The following COA1 variants were observed in gnomAD, a reference collection of about 807,000 sequenced individuals.
COA1 encodes the protein cytochrome c oxidase assembly factor 1 homolog.
In COA1, 13 loss-of-function variants were observed where a neutral mutation model predicts 16.0. The observed-to-expected ratio is 0.81, with a 90% CI of 0.53 to 1.29. The LOEUF is 1.29. Ranked by LOEUF, COA1 falls within the 50% of genes most tolerant of loss-of-function variation. The pLI is 0.00. For synonymous variants in COA1, 65 were observed against 65.7 expected (o/e 0.99, Z 0.05); for missense variants, 179 against 177.0 (o/e 1.01, Z -0.06).
Position 43,640,658 on chromosome 7 carries a change from G to A in COA1, c.265-9C>T, listed in dbSNP as rs111930870. Reference sequence around the variant, plus strand: ...GAGACAGGAATCTTCAACTGTGGGTGTAAAATGACAGAAAGGAGAGATGTA... The same window carrying A: ...GAGACAGGAATCTTCAACTGTGGGTATAAAATGACAGAAAGGAGAGATGTA... On this transcript the variant is annotated splice_polypyrimidine_tract_variant and intron_variant, in intron 4 of 5. Coordinates refer to ENST00000223336, the MANE Select transcript of COA1 (RefSeq NM_018224.4). The A allele has an allele frequency of 3.2e-6, 5 of 1,575,974 alleles. No homozygotes were observed. The highest frequency in any genetic ancestry group is 3.7e-5 in the Admixed American group (2 of 53,592).
chr7:43,652,945 G>C (rs1021360615), intron 1 of COA1, among the ~76,000 whole-genome samples: 1 of 152,044 alleles, frequency 6.6e-6, no homozygotes, highest in Non-Finnish European at 1.5e-5. Context: ...GATGAAAAAA[G>C]TAAGGCAATA....
intron 1 of COA1, among the ~76,000 whole-genome samples, chr7:43,724,543 T>A (rs529653759): frequency 2.1e-4 from 31 of 147,236 alleles, no homozygotes; most frequent in African/African-American, 7.2e-4. Flanking sequence ...AGAGCAAGAC[T>A]CCATCTCAAA....
chr7:43,660,230 A>G (rs145239845), intron 1 of COA1, among the ~76,000 whole-genome samples: 136 of 152,216 alleles, frequency 8.9e-4, no homozygotes, highest in African/African-American at 3.1e-3. Flanking sequence ...GTCTACTAAA[A>G]TAATCCCCAC....
intron 1 of COA1, among the ~76,000 whole-genome samples, chr7:43,710,375 A>ATATATATAT (rs1554558919): frequency 2.7e-5 from 1 of 36,450 alleles, no homozygotes; most frequent in Admixed American, 4.7e-4. Context: ...AAAAAAAAAA[A>ATATATATAT]ATATATATAT....
intron 6 of COA1, among the ~76,000 whole-genome samples, chr7:43,615,737 C>T (rs1409543985): frequency 6.6e-6 from 1 of 152,164 alleles, no homozygotes; most frequent in African/African-American, 2.4e-5. Flanking sequence ...GTCGTCCAGC[C>T]ACACAGGATT....
intron 4 of COA1, among the ~76,000 whole-genome samples, chr7:43,643,319 C>CA (rs1292569224): frequency 5.3e-5 from 8 of 152,214 alleles, no homozygotes; most frequent in African/African-American, 1.7e-4. Context: ...CACAATTCCT[C>CA]AGTGCTACAG....
chr7:43,699,952 T>C (rs983400512), intron 1 of COA1, among the ~76,000 whole-genome samples: 6 of 152,104 alleles, frequency 3.9e-5, no homozygotes, highest in African/African-American at 1.4e-4. Flanking sequence ...AGTATACATA[T>C]ATCTTTATCA....
chr7:43,700,300 A>G (rs188593627), intron 1 of COA1, among the ~76,000 whole-genome samples: 6 of 152,296 alleles, frequency 3.9e-5, no homozygotes, highest in African/African-American at 9.6e-5. Flanking sequence ...GATAGCTAAC[A>G]TGGGTATCCA....
At chr7:43,614,790 C>G (rs2083197901) in intron 6 of COA1, among the ~76,000 whole-genome samples, 1 of 152,184 alleles carries the variant, frequency 6.6e-6, no homozygotes, top group African/African-American at 2.4e-5. Context: ...CTAGACTTCT[C>G]ATACAATAAG....
intron 1 of COA1, among the ~76,000 whole-genome samples, chr7:43,692,367 A>C (rs1482645672): frequency 6.6e-6 from 1 of 152,058 alleles, no homozygotes; most frequent in Non-Finnish European, 1.5e-5. Flanking sequence ...AAAAATACAA[A>C]TCTTAGCCGG....
intron 1 of COA1, among the ~76,000 whole-genome samples, chr7:43,664,851 G>C (rs1448460400): frequency 6.6e-6 from 1 of 152,184 alleles, no homozygotes; most frequent in East Asian, 1.9e-4. Context: ...AAGCAGAACA[G>C]AGCTCCTGTC....
intron 6 of COA1, among the ~76,000 whole-genome samples, chr7:43,615,206 T>C (rs1198132505): frequency 6.6e-6 from 1 of 152,158 alleles, no homozygotes; most frequent in Admixed American, 6.6e-5. Context: ...GATAGGGTCG[T>C]ATTCTGTTAC....
intron 1 of COA1, among the ~76,000 whole-genome samples, chr7:43,693,059 A>G (rs2094426088): frequency 1.3e-5 from 2 of 152,154 alleles, no homozygotes; most frequent in South Asian, 4.1e-4. Context: ...TGCAATTTTA[A>G]TGTACAACCA....
chr7:43,647,562 AG>A lies in COA1; in HGVS notation c.87del (p.Phe30LeufsTer60). 1 of 1,614,050 alleles carries A rather than the reference AG, an allele frequency of 6.2e-7. No homozygotes were observed. The highest frequency in any genetic ancestry group is 8.5e-7 in the Non-Finnish European group (1 of 1,179,864). On this transcript the variant is annotated frameshift_variant, in exon 3 of 6. Transcript: ENST00000223336. LOFTEE classifies it high-confidence loss of function. Reference sequence around the variant, plus strand: ...TGAATGAGGTAATACACAATGGCAAAGCCCCCGGCATAGAACACACCGTGGA... The same window carrying A: ...TGAATGAGGTAATACACAATGGCAAACCCCCGGCATAGAACACACCGTGGA... ...ILFHGVFYAG[G>X]FAIVYYLIQK...
chr7:43,725,574 A>T (rs2095598949), intron 1 of COA1, among the ~76,000 whole-genome samples: 1 of 152,122 alleles, frequency 6.6e-6, no homozygotes, highest in Non-Finnish European at 1.5e-5. Flanking sequence ...TACTTTTACT[A>T]CTGGCTGGGC....
At chr7:43,672,788 AAGAG>A (rs1007689541) in intron 1 of COA1, among the ~76,000 whole-genome samples, 2 of 151,702 alleles carry the variant, frequency 1.3e-5, no homozygotes, top group African/African-American at 2.4e-5. Flanking sequence ...AAAAAAAAAA[AAGAG>A]AGAGAGACAG....
intron 1 of COA1, among the ~76,000 whole-genome samples, chr7:43,707,026 C>T (rs1248316040): frequency 1.3e-5 from 2 of 151,898 alleles, no homozygotes; most frequent in Non-Finnish European, 2.9e-5. Flanking sequence ...AAAAATTAGC[C>T]GGGCATGGTG....
chr7:43,669,584 C>A (rs1410513802), intron 1 of COA1, among the ~76,000 whole-genome samples: 1 of 152,052 alleles, frequency 6.6e-6, no homozygotes, highest in Admixed American at 6.5e-5. Context: ...ATCCCCTGAG[C>A]GCTATGCAAA....
intron 1 of COA1, among the ~76,000 whole-genome samples, chr7:43,688,551 C>T (rs2094138950): frequency 6.6e-6 from 1 of 152,150 alleles, no homozygotes; most frequent in Non-Finnish European, 1.5e-5. Context: ...GGATCAGGTT[C>T]AGCTGCATGC....
Sources: gnomAD v4.1 joint callset for allele counts (sites outside exome capture counted in the v4.1 genomes callset) on GRCh38, gnomAD v4.1.1 for gene constraint, MANE v1.5 for transcripts, NCBI Gene and HGNC (gene_info 2026-07-23, HGNC 2026-07-21) for gene names.